WDFY1: variants seen among roughly 807,000 people sequenced by gnomAD.
WDFY1 encodes WD repeat and FYVE domain containing 1, also known as WD repeat and FYVE domain-containing protein 1.
In WDFY1, 32 loss-of-function variants were observed where a neutral mutation model predicts 56.4. That is an observed-to-expected ratio of 0.57 (90% CI 0.43 to 0.76). The LOEUF (loss-of-function observed/expected upper bound fraction) is 0.76, where lower values mean the gene tolerates loss of function less well. WDFY1 is among the 30% of genes least tolerant of loss of function. WDFY1 has a pLI of 0.00. For missense variants in WDFY1, 480 were observed against 545.7 expected, an observed-to-expected ratio of 0.88 and a Z score of 1.20; for synonymous variants, 192 against 197.3, an observed-to-expected ratio of 0.97 and a Z score of 0.23.
intron 8 of WDFY1, among the ~76,000 whole-genome samples, chr2:223,888,964 C>A (rs1211895970): frequency 7.2e-6 from 1 of 139,378 alleles, no homozygotes; most frequent in Non-Finnish European, 1.5e-5. Context: ...AATGCAATGG[C>A]GTGATCTTGG....
chr2:223,903,000 G>A (rs931236165), intron 4 of WDFY1, among the ~76,000 whole-genome samples: 5 of 152,016 alleles, frequency 3.3e-5, no homozygotes, highest in Non-Finnish European at 7.4e-5. Context: ...TATCCTTTCT[G>A]CTGTTTGGTT....
chr2:223,905,746 C>T (rs1035293643), intron 4 of WDFY1, among the ~76,000 whole-genome samples: 8 of 151,962 alleles, frequency 5.3e-5, no homozygotes, highest in African/African-American at 1.7e-4. Context: ...AAATCTGATA[C>T]ATGTGCCTGA....
chr2:223,897,351 CATAT>C (rs1194128689), intron 6 of WDFY1, among the ~76,000 whole-genome samples: 10 of 53,676 alleles, frequency 1.9e-4, no homozygotes, highest in East Asian at 1.7e-3. Flanking sequence ...CTAAATTTCG[CATAT>C]ATATATATAT....
intron 11 of WDFY1, among the ~76,000 whole-genome samples, chr2:223,879,580 A>C (rs1559160748): frequency 6.6e-6 from 1 of 151,928 alleles, no homozygotes; most frequent in Non-Finnish European, 1.5e-5. Context: ...AGATTGCTTG[A>C]GCCTGGAAGG....
chr2:223,886,561 C>T (rs1351375348), intron 8 of WDFY1, among the ~76,000 whole-genome samples: 1 of 151,568 alleles, frequency 6.6e-6, no homozygotes, highest in Non-Finnish European at 1.5e-5. Context: ...CCCATCTCTA[C>T]TAAAAACACA....
At chr2:223,916,471 T>A (rs879338219) in intron 2 of WDFY1, among the ~76,000 whole-genome samples, 3 of 152,210 alleles carry the variant, frequency 2.0e-5, no homozygotes, top group Admixed American at 2.0e-4. Flanking sequence ...TTGGAAAACT[T>A]GATAATGGTC....
At chr2:223,890,439 A>T (rs1574760180) in intron 8 of WDFY1, among the ~76,000 whole-genome samples, 2 of 152,178 alleles carry the variant, frequency 1.3e-5, no homozygotes, top group Non-Finnish European at 2.9e-5. Flanking sequence ...GCTTAAAAAA[A>T]TTTGAGATAA....
intron 1 of WDFY1, among the ~76,000 whole-genome samples, chr2:223,920,889 C>T (rs1325940219): frequency 2.0e-5 from 3 of 152,230 alleles, no homozygotes; most frequent in African/African-American, 7.2e-5. Flanking sequence ...CTAAGCATCA[C>T]ATCGCTTTGT....
intron 11 of WDFY1, among the ~76,000 whole-genome samples, chr2:223,879,192 A>G (rs963884317): frequency 6.6e-6 from 1 of 152,234 alleles, no homozygotes; most frequent in Admixed American, 6.5e-5. Context: ...GTCTCAAACA[A>G]AAAGATTTTC....
At chr2:223,942,781 C>T (rs548075651) in intron 1 of WDFY1, among the ~76,000 whole-genome samples, 1 of 144,322 alleles carries the variant, frequency 6.9e-6, no homozygotes, top group South Asian at 2.3e-4. Flanking sequence ...ATGATCCACC[C>T]GCCTCGGCCT....
chr2:223,891,662 C>T (rs1455464090), intron 8 of WDFY1, among the ~76,000 whole-genome samples: 1 of 152,090 alleles, frequency 6.6e-6, no homozygotes, highest in African/African-American at 2.4e-5. Context: ...AGGAATCCCA[C>T]TTCTACTTTC....
intron 1 of WDFY1, among the ~76,000 whole-genome samples, chr2:223,929,319 C>A (rs1377981509): frequency 1.3e-5 from 2 of 151,874 alleles, no homozygotes; most frequent in Admixed American, 1.3e-4. Flanking sequence ...CCGCTAGTAG[C>A]TGGGATTACA....
chr2:223,895,535 T>A lies in WDFY1; in HGVS notation c.694A>T (p.Lys232Ter). Reference protein sequence around the residue: ...SIIMWDIGGRKGRTLLLQGHH... With the variant: ...SIIMWDIGGR ...CCCTGAAGTAACAGCGTCCGGCCTTTCCTTCCTCCGATGTCCCACATGATG... is the reference window on the plus strand; with the variant it reads ...CCCTGAAGTAACAGCGTCCGGCCTTACCTTCCTCCGATGTCCCACATGATG... Residue 232 changes from lysine (K) to a stop codon, truncating the protein, a stop_gained, in exon 7 of 12, where the codon AAA becomes TAA. Coordinates refer to ENST00000233055, the MANE Select transcript of WDFY1 (RefSeq NM_020830.5). LOFTEE classifies it high-confidence loss of function. 1 of 1,614,052 alleles carries A rather than the reference T, an allele frequency of 6.2e-7. No homozygotes were observed. The highest frequency in any genetic ancestry group is 8.5e-7 in the Non-Finnish European group (1 of 1,179,962).
At chr2:223,944,823 G>A (rs1184851590) in intron 1 of WDFY1, among the ~76,000 whole-genome samples, 1 of 149,184 alleles carries the variant, frequency 6.7e-6, no homozygotes, top group Non-Finnish European at 1.5e-5. Context: ...GTCCTGGGCT[G>A]GAAAGACACG....
intron 6 of WDFY1, among the ~76,000 whole-genome samples, chr2:223,897,845 C>A: frequency 6.6e-6 from 1 of 151,908 alleles, no homozygotes; most frequent in East Asian, 1.9e-4. Context: ...GTGTGTGGCA[C>A]CCCCACACCC....
intron 1 of WDFY1, among the ~76,000 whole-genome samples, chr2:223,940,119 G>A (rs1482121969): frequency 6.6e-6 from 1 of 152,198 alleles, no homozygotes; most frequent in Non-Finnish European, 1.5e-5. Flanking sequence ...TGGAGTTCAA[G>A]ACCAGCCTGG....
chr2:223,929,767 C>G (rs556588418), intron 1 of WDFY1, among the ~76,000 whole-genome samples: 81 of 152,294 alleles, frequency 5.3e-4, no homozygotes, highest in African/African-American at 1.9e-3. Flanking sequence ...GAAGCAGAAG[C>G]AAGGAGAGAT....
chr2:223,890,153 T>A (rs1051346109), intron 8 of WDFY1, among the ~76,000 whole-genome samples: 2 of 152,182 alleles, frequency 1.3e-5, no homozygotes, highest in African/African-American at 4.8e-5. Flanking sequence ...TCAGGGAGCA[T>A]GATTCTGTTT....
intron 1 of WDFY1, among the ~76,000 whole-genome samples, chr2:223,922,092 G>A (rs1693897512): frequency 6.6e-6 from 1 of 152,160 alleles, no homozygotes; most frequent in Non-Finnish European, 1.5e-5. Flanking sequence ...CCCAGAGCCT[G>A]CATCCCAGTG....
Sources: gnomAD v4.1 joint callset for allele counts (sites outside exome capture counted in the v4.1 genomes callset) on GRCh38, gnomAD v4.1.1 for gene constraint, MANE v1.5 for transcripts, NCBI Gene and HGNC (gene_info 2026-07-23, HGNC 2026-07-21) for gene names.